The following LRCH3 variants were observed in gnomAD, a reference collection of about 807,000 sequenced individuals.
LRCH3 encodes the protein leucine rich repeats and calponin homology domain containing 3.
LRCH3 carries 68 observed loss-of-function variants against 104.5 expected under a neutral mutation model. The observed-to-expected ratio is 0.65, with a 90% CI of 0.54 to 0.80. The LOEUF is 0.80. Among genes scored for constraint, LRCH3 ranks in the 30% least tolerant of loss-of-function variants. LRCH3 has a pLI of 0.00. For synonymous variants in LRCH3, 344 were observed against 361.3 expected (o/e 0.95, Z 0.54); for missense variants, 951 against 953.9 (o/e 1.00, Z 0.04).
chr3:197,804,051 AG>A (rs779534243), intron 1 of LRCH3, among the ~76,000 whole-genome samples: 260 of 152,316 alleles, frequency 1.7e-3, no homozygotes, highest in South Asian at 2.7e-3. Context: ...TGAGGTCAGG[AG>A]TTCGAGACCA....
chr3:197,819,344 T>C (rs1734220779), intron 3 of LRCH3, among the ~76,000 whole-genome samples: 1 of 152,066 alleles, frequency 6.6e-6, no homozygotes, highest in African/African-American at 2.4e-5. Flanking sequence ...CTTTTTTTTT[T>C]TTTCTAGCTA....
At chr3:197,864,714 T>C (rs1336325009) in intron 15 of LRCH3, among the ~76,000 whole-genome samples, 1 of 149,110 alleles carries the variant, frequency 6.7e-6, no homozygotes, top group Non-Finnish European at 1.5e-5. Context: ...TTCTTCTTTT[T>C]TTTTTTTTTT....
intron 5 of LRCH3, among the ~76,000 whole-genome samples, chr3:197,828,909 G>A (rs942671738): frequency 2.6e-5 from 4 of 151,428 alleles, no homozygotes; most frequent in Non-Finnish European, 2.9e-5. Context: ...GGATTTCACC[G>A]TGTTGGTCAG....
At chr3:197,867,980 C>T (rs1711547305) in intron 17 of LRCH3, among the ~76,000 whole-genome samples, 1 of 152,020 alleles carries the variant, frequency 6.6e-6, no homozygotes, top group African/African-American at 2.4e-5. Flanking sequence ...GTCAAGATTG[C>T]GCGATTGCAC....
chr3:197,833,365 G>GA (rs71166710), intron 8 of LRCH3, among the ~76,000 whole-genome samples: 1,343 of 33,326 alleles, frequency 0.04, 530 homozygotes, highest in African/African-American at 0.17. Context: ...ACTAAAAACC[G>GA]AAAAAAAAAA....
chr3:197,852,648 G>A, intron 13 of LRCH3, 28 bp downstream of exon 13: 8 of 1,603,540 alleles, frequency 5.0e-6, no homozygotes, highest in Non-Finnish European at 5.1e-6. Context: ...CCTTTTCTTT[G>A]GAGTTGATTA....
chr3:197,868,881 A>T (rs1294227181), intron 17 of LRCH3, among the ~76,000 whole-genome samples: 1 of 152,202 alleles, frequency 6.6e-6, no homozygotes, highest in Non-Finnish European at 1.5e-5. Context: ...GATTGGTAAG[A>T]TTGCATTAAA....
At chr3:197,793,840 TGTA>T (rs1329782300) in intron 1 of LRCH3, among the ~76,000 whole-genome samples, 1 of 152,180 alleles carries the variant, frequency 6.6e-6, no homozygotes, top group Non-Finnish European at 1.5e-5. Flanking sequence ...ATTTCTAACA[TGTA>T]GTAATATCAC....
chr3:197,847,436 G>A lies in LRCH3; in HGVS notation c.1356G>A (p.Leu452=). 1 of 1,598,492 alleles carries A rather than the reference G, an allele frequency of 6.3e-7. No individual in the cohort carries two copies. The highest frequency in any genetic ancestry group is 8.5e-7 in the Non-Finnish European group (1 of 1,174,110). Residue 452 remains leucine, a synonymous_variant, in exon 11 of 21, where the codon CTG becomes CTA. Transcript: ENST00000425562. ...NRVPAEPSSL[L]SLSASHNQLS... Reference sequence around the variant, plus strand: ...TTCCAGCTGAGCCATCTTCCCTCCTGTCACTATCAGCAAGTCACAATCAGG... The same window carrying A: ...TTCCAGCTGAGCCATCTTCCCTCCTATCACTATCAGCAAGTCACAATCAGG...
chr3:197,834,139 C>T (rs946573989), intron 8 of LRCH3, among the ~76,000 whole-genome samples: 33 of 152,108 alleles, frequency 2.2e-4, no homozygotes, highest in South Asian at 6.2e-4. Flanking sequence ...CATGAAGTAA[C>T]AGGTTGTGGT....
chr3:197,865,767 GT>G (rs11324714), intron 16 of LRCH3, among the ~76,000 whole-genome samples: 9,081 of 140,114 alleles, frequency 0.065, 758 homozygotes, highest in African/African-American at 0.2. Flanking sequence ...AAACCACTGG[GT>G]TTTTTTTTTT....
At chr3:197,827,206 A>G (rs1735317699) in intron 5 of LRCH3, among the ~76,000 whole-genome samples, 192 bp downstream of exon 5, 1 of 152,108 alleles carries the variant, frequency 6.6e-6, no homozygotes, top group Non-Finnish European at 1.5e-5. Flanking sequence ...CAGGTAGACC[A>G]TGGTGGAAGC....
rs971466822 is a variant in LRCH3 at position 197,887,792 on chromosome 3, C to T, written c.*4126C>T. On this transcript the variant is annotated 3_prime_UTR_variant, in exon 21 of 21. Coordinates refer to ENST00000425562, the MANE Select transcript of LRCH3 (RefSeq NM_001365715.1). ...ACTGACAGTGTCTGGGGCTGAGAGCCCCCCCTAGCAGAGCCCTTCCCATCA... is the reference window on the plus strand; with the variant it reads ...ACTGACAGTGTCTGGGGCTGAGAGCTCCCCCTAGCAGAGCCCTTCCCATCA... 1 of 149,920 alleles carries T rather than the reference C, an allele frequency of 6.7e-6. No individual in the cohort carries two copies. 9.3% of individuals were successfully genotyped at this position (149,920 alleles called of 1,614,324 possible). A position where few individuals can be genotyped will look rare whatever the true frequency, so the allele number is the denominator to read the frequency against.
intron 3 of LRCH3, 36 bp downstream of exon 3, chr3:197,817,338 G>GTATTT (rs1553916514): frequency 9.6e-6 from 4 of 415,112 alleles, no homozygotes; most frequent in South Asian, 3.6e-5. Flanking sequence ...ACATGTGTGT[G>GTATTT]TGTGTGTCTG....
intron 20 of LRCH3, chr3:197,880,985 C>T: frequency 1.2e-5 from 16 of 1,314,852 alleles, no homozygotes; most frequent in Non-Finnish European, 1.5e-5. Context: ...GTTTCTCTTA[C>T]CATAAATGCT....
intron 19 of LRCH3, among the ~76,000 whole-genome samples, chr3:197,873,609 C>G (rs1344688535): frequency 6.6e-6 from 1 of 152,122 alleles, no homozygotes; most frequent in Non-Finnish European, 1.5e-5. Flanking sequence ...AGGCGTGCAC[C>G]TGCTACTCAG....
rs182258199 is a variant in LRCH3, at chr3:197,853,252, C to T, written c.1590+632C>T. Among the ~76,000 whole-genome samples the T allele has an allele frequency of 5.5e-3, 839 of 151,988 alleles. 4 individuals are homozygous for T. The highest frequency in any genetic ancestry group is 0.018 in the African/African-American group (760 of 41,414). ...TCACCCAGGCTGGAGTGCAGTGGCGCGATACTGGCTCGCTGCAACCTCCGA... is the reference window on the plus strand; with the variant it reads ...TCACCCAGGCTGGAGTGCAGTGGCGTGATACTGGCTCGCTGCAACCTCCGA... On this transcript the variant is annotated intron_variant, in intron 13 of 20. Coordinates refer to ENST00000425562, the MANE Select transcript of LRCH3 (RefSeq NM_001365715.1).
At chr3:197,813,113 T>G (rs1398045669) in intron 1 of LRCH3, among the ~76,000 whole-genome samples, 1 of 152,204 alleles carries the variant, frequency 6.6e-6, no homozygotes, top group Non-Finnish European at 1.5e-5. Flanking sequence ...GAGTACGTAG[T>G]GGCTGCATAT....
chr3:197,848,082 C>T (rs530361196), intron 12 of LRCH3, 61 bp downstream of exon 12: 4 of 1,574,762 alleles, frequency 2.5e-6, no homozygotes, highest in Middle Eastern at 1.8e-4. Context: ...TTTGTTTGGT[C>T]AGGCCCGTTG....
Sources: allele counts gnomAD v4.1 joint callset (sites outside exome capture counted in the v4.1 genomes callset), GRCh38; gene constraint gnomAD v4.1.1; transcripts MANE v1.5; gene names NCBI Gene and HGNC (gene_info 2026-07-23, HGNC 2026-07-21).